Variants in IL7 observed in about 807,000 individuals in gnomAD.
IL7 encodes the protein interleukin-7.
IL7 carries 3 observed loss-of-function variants against 21.6 expected under a neutral mutation model. The observed-to-expected ratio is 0.14, with a 90% CI of 0.06 to 0.36. IL7 has a LOEUF of 0.36. IL7 is among the 10% of genes least tolerant of loss of function. IL7 has a pLI of 1.00. For synonymous variants in IL7, 62 were observed against 68.1 expected, an observed-to-expected ratio of 0.91 and a Z score of 0.44; for missense variants, 175 against 200.2, an observed-to-expected ratio of 0.87 and a Z score of 0.76.
rs762033559 is a variant in IL7, at chr8:78,678,719, T to G, written n.274-2615A>C. The G allele has an allele frequency of 1.3e-5, 18 of 1,406,754 alleles. No homozygotes were observed. In the Admixed American group the frequency reaches 1.4e-4, roughly 11 times the overall value. 87.1% of individuals were successfully genotyped at this position (1,406,754 alleles called of 1,614,324 possible). A position where few individuals can be genotyped will look rare whatever the true frequency, so the allele number is the denominator to read the frequency against. Reference sequence around the variant, plus strand: ...TTTTGAACAGTATGAACTTTGGTGTTATGTATGTTGAAAAATATTATATTA... The same window carrying G: ...TTTTGAACAGTATGAACTTTGGTGTGATGTATGTTGAAAAATATTATATTA... On this transcript the variant is annotated intron_variant and non_coding_transcript_variant, in intron 4 of 4. Coordinates refer to the IL7 transcript ENST00000523959.
chr8:78,678,772 A>G lies in IL7; in HGVS notation n.274-2668T>C, dbSNP rs970763662. 8.2e-6 allele frequency: 6 copies of G among 731,362 alleles called. No individual in the cohort carries two copies. The African/African-American group carries it at 1.1e-4, about 13-fold the overall frequency. The allele number at this position is 731,362 out of a possible 1,614,324, so 45.3% of individuals were successfully genotyped here. On this transcript the variant is annotated intron_variant and non_coding_transcript_variant, in intron 4 of 4. Transcript: ENST00000523959. ...TGTTACAGTAAGGTTAAGAATAAAC[A>G]CAATTATCTGCTACATTAAGATTAA...
intron 2 of IL7, among the ~76,000 whole-genome samples, chr8:78,777,197 G>A (rs1248816734): frequency 6.6e-6 from 1 of 152,060 alleles, no homozygotes. Flanking sequence ...AGGCATAGAT[G>A]TGGGTTCAAA....
At chr8:78,763,240 G>A (rs1327867557) in intron 2 of IL7, among the ~76,000 whole-genome samples, 4 of 152,298 alleles carry the variant, frequency 2.6e-5, no homozygotes, top group Non-Finnish European at 5.9e-5. Context: ...CCCCCAGCCT[G>A]TTTTTCTTAT....
intron 2 of IL7, among the ~76,000 whole-genome samples, chr8:78,791,673 ATC>A (rs1813698499): frequency 6.6e-6 from 1 of 152,118 alleles, no homozygotes; most frequent in Admixed American, 6.6e-5. Flanking sequence ...TTAATATATT[ATC>A]ATGTGCTCTT....
chr8:78,713,463 CAA>C (rs35677411), downstream of IL7, among the ~76,000 whole-genome samples: 12 of 136,636 alleles, frequency 8.8e-5, no homozygotes, highest in Non-Finnish European at 1.1e-4. Flanking sequence ...ATTCTATAGC[CAA>C]AAAAAAAAAA....
At chr8:78,686,707 A>G (rs1585994073) in intron 3 of IL7, 1 of 1,247,462 alleles carries the variant, frequency 8.0e-7, no homozygotes, top group Non-Finnish European at 1.0e-6. Flanking sequence ...ACAATCATGG[A>G]GTGTTATGAG....
chr8:78,720,516 C>A (rs927837093), intron 5 of IL7, among the ~76,000 whole-genome samples: 1 of 151,724 alleles, frequency 6.6e-6, no homozygotes, highest in Admixed American at 6.6e-5. Flanking sequence ...CTAGAGGGTG[C>A]ATTTGGATAA....
intron 4 of IL7, among the ~76,000 whole-genome samples, chr8:78,684,808 A>C (rs1009747659): frequency 6.6e-6 from 1 of 152,224 alleles, no homozygotes; most frequent in Non-Finnish European, 1.5e-5. Flanking sequence ...TAATAAAGAT[A>C]CAAGACTTCC....
At chr8:78,680,486 A>G (rs1417806284) in intron 4 of IL7, among the ~76,000 whole-genome samples, 1 of 152,144 alleles carries the variant, frequency 6.6e-6, no homozygotes, top group African/African-American at 2.4e-5. Context: ...TCCTTGGGTG[A>G]GTCGTATGCA....
At chr8:78,678,311 T>C (rs1809647619) in intron 4 of IL7, among the ~76,000 whole-genome samples, 1 of 152,220 alleles carries the variant, frequency 6.6e-6, no homozygotes, top group Non-Finnish European at 1.5e-5. Flanking sequence ...GAGTATTAAA[T>C]AACTTAATGA....
chr8:78,776,957 T>C (rs1317687316), intron 2 of IL7, among the ~76,000 whole-genome samples: 1 of 152,102 alleles, frequency 6.6e-6, no homozygotes, highest in Non-Finnish European at 1.5e-5. Context: ...TCATGGTGAA[T>C]AGAAACTTTT....
intron 3 of IL7, among the ~76,000 whole-genome samples, chr8:78,709,371 T>A (rs1433514434): frequency 6.6e-6 from 1 of 152,196 alleles, no homozygotes; most frequent in Non-Finnish European, 1.5e-5. Flanking sequence ...AGTCTTTTGA[T>A]GTGTGTGAAA....
At chr8:78,706,818 T>A (rs1391931773) in intron 3 of IL7, among the ~76,000 whole-genome samples, 2 of 152,132 alleles carry the variant, frequency 1.3e-5, no homozygotes, top group Non-Finnish European at 2.9e-5. Flanking sequence ...TGCTTCTCAA[T>A]TCAGACTACA....
chr8:78,805,037 T>C lies in IL7; in HGVS notation c.-115A>G, dbSNP rs1586126584. 36 of 1,151,564 alleles carry C rather than the reference T, an allele frequency of 3.1e-5. No homozygotes were observed. The highest frequency in any genetic ancestry group is 4.3e-5 in the Non-Finnish European group (35 of 805,968). The allele number at this position is 1,151,564 out of a possible 1,614,324, so 71.3% of individuals were successfully genotyped here. A position where few individuals can be genotyped will look rare whatever the true frequency, so the allele number is the denominator to read the frequency against. On this transcript the variant is annotated 5_prime_UTR_variant, in exon 1 of 6. Transcript: ENST00000263851. ...TTCCGCGGAGTTGCCGAGTCTGTGT[T>C]GGGCAGGGTGATCTCTGCAGCTGGT...
At chr8:78,712,144 G>A in intron 3 of IL7, 2 of 1,173,134 alleles carry the variant, frequency 1.7e-6, no homozygotes, top group Non-Finnish European at 2.2e-6. Flanking sequence ...ATATTTTTCA[G>A]ATATTTCCTT....
intron 3 of IL7, among the ~76,000 whole-genome samples, chr8:78,697,165 G>GTA (rs772338238): frequency 1.3e-5 from 2 of 152,042 alleles, no homozygotes; most frequent in Admixed American, 6.6e-5. Context: ...TTTTACTGTG[G>GTA]TATAATACAT....
chr8:78,684,647 C>T (rs7838791), intron 4 of IL7, among the ~76,000 whole-genome samples: 146,871 of 152,260 alleles, frequency 0.96, 70,877 homozygotes, highest in East Asian at 0.99. Flanking sequence ...CTACAAACAA[C>T]AGGAGTAAAG....
chr8:78,687,472 ATT>A (rs1466136201), intron 3 of IL7, among the ~76,000 whole-genome samples: 35 of 145,442 alleles, frequency 2.4e-4, no homozygotes, highest in Middle Eastern at 3.9e-3. Flanking sequence ...TTATATATAT[ATT>A]TATATATAAT....
At chr8:78,768,663 G>A (rs1318116131) in intron 2 of IL7, among the ~76,000 whole-genome samples, 5 of 151,704 alleles carry the variant, frequency 3.3e-5, no homozygotes, top group Admixed American at 6.6e-5. Flanking sequence ...TGTAGATTCT[G>A]GATATTAGCC....
Sources: gnomAD v4.1 joint callset for allele counts (sites outside exome capture counted in the v4.1 genomes callset) on GRCh38, gnomAD v4.1.1 for gene constraint, MANE v1.5 for transcripts, NCBI Gene and HGNC (gene_info 2026-07-23, HGNC 2026-07-21) for gene names.